The following RORB variants were observed in gnomAD, a reference collection of about 807,000 sequenced individuals.
RORB encodes the protein RAR related orphan receptor B.
In RORB, 6 loss-of-function variants were observed where a neutral mutation model predicts 59.1. The observed-to-expected ratio is 0.10, with a 90% CI of 0.06 to 0.20. The LOEUF (loss-of-function observed/expected upper bound fraction) is 0.20, where lower values mean the gene tolerates loss of function less well. RORB is among the 10% of genes least tolerant of loss of function. RORB has a pLI of 1.00. For synonymous variants in RORB, 215 were observed against 204.5 expected (o/e 1.05, Z -0.44); for missense variants, 320 against 560.5 (o/e 0.57, Z 4.33).
intron 1 of RORB, among the ~76,000 whole-genome samples, chr9:74,622,685 C>A (rs779861033): frequency 1.3e-5 from 2 of 151,844 alleles, no homozygotes; most frequent in Admixed American, 1.3e-4. Context: ...CACCACCACA[C>A]CCAGCTAATT....
chr9:74,593,702 G>C (rs1822933873), intron 1 of RORB, among the ~76,000 whole-genome samples: 1 of 152,146 alleles, frequency 6.6e-6, no homozygotes, highest in East Asian at 1.9e-4. Context: ...TGGAAAAGAA[G>C]GGACAGGACA....
chr9:74,634,106 T>G (rs2118431411), intron 2 of RORB, among the ~76,000 whole-genome samples: 1 of 147,398 alleles, frequency 6.8e-6, no homozygotes, highest in East Asian at 2.0e-4. Flanking sequence ...ACTTTTCAGC[T>G]GCATTCGAGC....
At chr9:74,531,761 T>C (rs949213572) in intron 1 of RORB, among the ~76,000 whole-genome samples, 15 of 152,016 alleles carry the variant, frequency 9.9e-5, no homozygotes, top group African/African-American at 3.6e-4. Context: ...GAATAGCTTT[T>C]CTCTTTCCAC....
At chr9:74,509,820 T>G (rs1825912117) in intron 1 of RORB, among the ~76,000 whole-genome samples, 1 of 152,036 alleles carries the variant, frequency 6.6e-6, no homozygotes, top group Admixed American at 6.6e-5. Flanking sequence ...TTGACAACAT[T>G]AAGAAGGTGC....
At chr9:74,501,014 A>C (rs577283952) in intron 1 of RORB, among the ~76,000 whole-genome samples, 1 of 152,144 alleles carries the variant, frequency 6.6e-6, no homozygotes, top group Non-Finnish European at 1.5e-5. Context: ...TGGGCCCATC[A>C]CTAGGTGAGA....
intron 1 of RORB, among the ~76,000 whole-genome samples, chr9:74,565,098 T>C (rs1822449652): frequency 6.6e-6 from 1 of 152,234 alleles, no homozygotes; most frequent in South Asian, 2.1e-4. Flanking sequence ...TATTGTGTTG[T>C]TACATCTCTG....
At chr9:74,570,606 G>A (rs1460148902) in intron 1 of RORB, among the ~76,000 whole-genome samples, 4 of 152,086 alleles carry the variant, frequency 2.6e-5, no homozygotes, top group African/African-American at 7.2e-5. Flanking sequence ...AAGCATGGCT[G>A]GTACAATTTT....
chr9:74,598,193 C>T (rs1285988279), intron 1 of RORB, among the ~76,000 whole-genome samples: 1 of 151,948 alleles, frequency 6.6e-6, no homozygotes, highest in Non-Finnish European at 1.5e-5. Flanking sequence ...CCGATTGGGG[C>T]CTGGGGTGTT....
At chr9:74,598,751 C>G (rs187918940) in intron 1 of RORB, among the ~76,000 whole-genome samples, 7 of 152,084 alleles carry the variant, frequency 4.6e-5, no homozygotes, top group Non-Finnish European at 1.0e-4. Context: ...AGTGTCACTA[C>G]GACAGAATAC....
At chr9:74,682,066 G>C (rs966370750) in intron 9 of RORB, among the ~76,000 whole-genome samples, 6 of 152,072 alleles carry the variant, frequency 3.9e-5, no homozygotes, top group Non-Finnish European at 1.5e-5. Flanking sequence ...TCTCCTGAAA[G>C]GAAGAGAGAT....
At chr9:74,498,026 A>T in intron 1 of RORB, 43 bp downstream of exon 1, 2 of 1,602,178 alleles carry the variant, frequency 1.2e-6, no homozygotes, top group Non-Finnish European at 1.7e-6. Flanking sequence ...AGTCCGGCCA[A>T]CTCCAGCCAG....
intron 1 of RORB, among the ~76,000 whole-genome samples, chr9:74,574,249 A>T (rs578215932): frequency 1.3e-5 from 2 of 152,134 alleles, no homozygotes; most frequent in Admixed American, 6.6e-5. Context: ...GCCCTGAGTC[A>T]GTTTCAGGGG....
intron 1 of RORB, among the ~76,000 whole-genome samples, chr9:74,550,188 T>C (rs1034216274): frequency 1.3e-5 from 2 of 152,212 alleles, no homozygotes; most frequent in African/African-American, 4.8e-5. Flanking sequence ...AAGTGGAATA[T>C]GTTTTTAATC....
chr9:74,660,572 AG>A (rs1824165601), intron 4 of RORB, 44 bp from the exon 5 acceptor site: 3 of 1,575,150 alleles, frequency 1.9e-6, no homozygotes, highest in Middle Eastern at 1.7e-4. Context: ...TAATGAGCAG[AG>A]TAATTTTATT....
intron 4 of RORB, among the ~76,000 whole-genome samples, chr9:74,646,963 G>C (rs1379717837): frequency 6.6e-6 from 1 of 152,102 alleles, no homozygotes; most frequent in Non-Finnish European, 1.5e-5. Flanking sequence ...TATTCCCCTA[G>C]TTTTGAGAAT....
intron 1 of RORB, among the ~76,000 whole-genome samples, chr9:74,603,433 G>A (rs1823100107): frequency 6.6e-6 from 1 of 152,154 alleles, no homozygotes; most frequent in Non-Finnish European, 1.5e-5. Flanking sequence ...TGTTGACTAA[G>A]GATGCATCTC....
At chr9:74,534,739 T>A (rs1826296169) in intron 1 of RORB, among the ~76,000 whole-genome samples, 1 of 152,028 alleles carries the variant, frequency 6.6e-6, no homozygotes, top group South Asian at 2.1e-4. Context: ...CCCCCTATGG[T>A]GGATACAGAG....
intron 1 of RORB, among the ~76,000 whole-genome samples, chr9:74,606,801 T>C (rs766235746): frequency 2.0e-5 from 3 of 152,206 alleles, no homozygotes; most frequent in Non-Finnish European, 4.4e-5. Flanking sequence ...TATATGTTGT[T>C]GGTGCCTTTG....
intron 5 of RORB, 43 bp from the exon 6 acceptor site, chr9:74,662,431 A>T: frequency 6.2e-7 from 1 of 1,604,572 alleles, no homozygotes; most frequent in South Asian, 1.1e-5. Flanking sequence ...GACTCTCCGT[A>T]AGTCGTTTGC....
Sources: gnomAD v4.1 joint callset for allele counts (sites outside exome capture counted in the v4.1 genomes callset) on GRCh38, gnomAD v4.1.1 for gene constraint, MANE v1.5 for transcripts, NCBI Gene and HGNC (gene_info 2026-07-23, HGNC 2026-07-21) for gene names.